CFAP47: variants seen among roughly 807,000 people sequenced by gnomAD.
The protein encoded by CFAP47 is cilia and flagella associated protein 47.
CFAP47 carries 29 observed loss-of-function variants against 148.1 expected under a neutral mutation model. The observed-to-expected ratio is 0.20, with a 90% CI of 0.15 to 0.27. CFAP47 has a LOEUF of 0.27. Among genes scored for constraint, CFAP47 ranks in the 10% least tolerant of loss-of-function variants. The pLI, the probability that CFAP47 is intolerant of heterozygous loss-of-function variation, is 1.00. For missense variants in CFAP47, 1,872 were observed against 1,697.5 expected (o/e 1.10, Z -1.81); for synonymous variants, 664 against 577.3 (o/e 1.15, Z -2.15).
chrX:36,065,713 C>A lies in CFAP47; in HGVS notation c.4288C>A (p.Leu1430Met). The part of the protein sequence containing the change: ...LTIYPYMAIH[L>M]DKQNIILKND... ...TATTTACCCATATATGGCAATTCAT[C>A]TGGATAAGCAAAACATTATTTTAAA... The change falls in exon 27 of 64, where the codon CTG (leucine) becomes ATG (methionine). Residue 1430 changes from leucine to methionine, a missense_variant. Physicochemically the swap from Leu to Met is conservative, Grantham distance 15. Transcript: ENST00000378653. 1 of 1,178,181 alleles carries A rather than the reference C, an allele frequency of 8.5e-7. No individual in the cohort carries two copies. Among genetic ancestry groups the A allele is most frequent in the East Asian group, 3.0e-5 (1 of 33,551 alleles).
At chrX:36,174,156 G>C (rs752599806) in intron 39 of CFAP47, among the ~76,000 whole-genome samples, 82 of 107,734 alleles carry the variant, frequency 7.6e-4, no homozygotes, top group African/African-American at 2.6e-3. Flanking sequence ...TGGCTTGGTA[G>C]ATCTTCCTCC....
chrX:36,208,820 G>A (rs1179595622), intron 45 of CFAP47, among the ~76,000 whole-genome samples: 3 of 110,229 alleles, frequency 2.7e-5, no homozygotes, highest in African/African-American at 9.9e-5. Flanking sequence ...ACAAAAATTA[G>A]CCTGGCATGG....
Position 36,182,886 on chromosome X carries a change from A to C in CFAP47, c.6104+3464A>C, listed in dbSNP as rs770183557. Among the ~76,000 whole-genome samples the C allele has an allele frequency of 7.1e-5, 8 of 112,937 alleles. No homozygotes were observed. In the East Asian group the frequency reaches 2.2e-3, roughly 31 times the overall value. Reference sequence around the variant, plus strand: ...CAATGTGGAATTTATGTGTCAACATATAGCCTATTTGGCCAATGGTATGTG... The same window carrying C: ...CAATGTGGAATTTATGTGTCAACATCTAGCCTATTTGGCCAATGGTATGTG... On this transcript the variant is annotated intron_variant, in intron 40 of 63. Transcript: ENST00000378653.
At chrX:36,282,347 G>T (rs782460329) in intron 50 of CFAP47, among the ~76,000 whole-genome samples, 1 of 111,094 alleles carries the variant, frequency 9.0e-6, no homozygotes, top group Non-Finnish European at 1.9e-5. Context: ...AAACCTTCAT[G>T]AGGGTTAAAG....
chrX:36,042,415 G>A (rs1937416687), intron 25 of CFAP47, among the ~76,000 whole-genome samples: 1 of 111,086 alleles, frequency 9.0e-6, no homozygotes, highest in African/African-American at 3.3e-5. Flanking sequence ...TCTACAAGGA[G>A]ATTTTTTAAA....
intron 51 of CFAP47, among the ~76,000 whole-genome samples, chrX:36,290,898 GTTA>G (rs1556005468): frequency 8.9e-6 from 1 of 112,233 alleles, no homozygotes; most frequent in Non-Finnish European, 1.9e-5. Context: ...TTCTTTATTG[GTTA>G]TTAACACTGG....
chrX:36,227,891 G>A (rs1032461454), intron 45 of CFAP47, among the ~76,000 whole-genome samples: 8 of 111,819 alleles, frequency 7.2e-5, no homozygotes, highest in African/African-American at 2.6e-4. Context: ...CCAAGGAAAT[G>A]GTGACCTTCA....
At chrX:36,092,152 C>T (rs949911617) in intron 30 of CFAP47, among the ~76,000 whole-genome samples, 1 of 111,179 alleles carries the variant, frequency 9.0e-6, no homozygotes, top group East Asian at 2.8e-4. Flanking sequence ...TAAATATGTA[C>T]ATACATAGGC....
intron 57 of CFAP47, among the ~76,000 whole-genome samples, chrX:36,328,457 G>T (rs1941535305): frequency 8.9e-6 from 1 of 112,061 alleles, no homozygotes; most frequent in Non-Finnish European, 1.9e-5. Context: ...TGAAAAGCTT[G>T]TTATAAAATA....
chrX:36,190,898 T>G (rs916849108), intron 42 of CFAP47, among the ~76,000 whole-genome samples: 3 of 111,439 alleles, frequency 2.7e-5, no homozygotes, highest in Non-Finnish European at 5.7e-5. Flanking sequence ...AGGAAGAAAT[T>G]TATAACCCCC....
chrX:36,197,078 G>T (rs988006532), intron 42 of CFAP47, among the ~76,000 whole-genome samples: 5 of 111,429 alleles, frequency 4.5e-5, no homozygotes, highest in African/African-American at 1.3e-4. Context: ...CATTATTTTC[G>T]ATTATATTAA....
rs186825308 is a variant in CFAP47, at chrX:35,930,359, G to A, written c.401+4191G>A. ...TGCTCATGTTTTATTAGGGATTATT[G>A]TGTCCCAGTTTATTAGTGATATTGG... On this transcript the variant is annotated intron_variant, in intron 2 of 63. Transcript: ENST00000378653. Among the ~76,000 whole-genome samples, 8 of 110,600 alleles carry A rather than the reference G, an allele frequency of 7.2e-5. No homozygotes were observed. In the East Asian group the frequency reaches 1.7e-3, roughly 24 times the overall value.
At position 36,018,455 on chromosome X, in the gene CFAP47, T is replaced by C. The variant is rs139313849; in HGVS notation, c.3556+3543T>C. 3.3e-4 allele frequency among the ~76,000 whole-genome samples: 37 copies of C among 112,275 alleles called. 1 individual carries two copies. In the East Asian group the frequency reaches 6.2e-3, roughly 19 times the overall value. ...TGTTTCATATCTTAGAGGAAGGCTT[T>C]CAGTTTGATACTATCTGTGGGTCTG... On this transcript the variant is annotated intron_variant, in intron 22 of 63. Coordinates refer to ENST00000378653, the MANE Select transcript of CFAP47 (RefSeq NM_001304548.2).
At chrX:35,967,097 C>T (rs1218655164) in intron 9 of CFAP47, among the ~76,000 whole-genome samples, 4 of 111,124 alleles carry the variant, frequency 3.6e-5, no homozygotes, top group Non-Finnish European at 7.5e-5. Context: ...CCAGTAGATG[C>T]TGACACTGCC....
intron 24 of CFAP47, among the ~76,000 whole-genome samples, chrX:36,037,484 T>A (rs1937352802): frequency 9.0e-6 from 1 of 110,526 alleles, no homozygotes; most frequent in South Asian, 3.8e-4. Flanking sequence ...TGCCTCAGGC[T>A]CCCGAGTAGC....
intron 44 of CFAP47, among the ~76,000 whole-genome samples, chrX:36,201,972 G>A (rs1939985791): frequency 9.0e-6 from 1 of 111,400 alleles, no homozygotes; most frequent in African/African-American, 3.3e-5. Context: ...CTGTGTGACT[G>A]TAGGCTGGTT....
At chrX:35,998,809 G>T (rs1430924485) in intron 19 of CFAP47, among the ~76,000 whole-genome samples, 1 of 111,301 alleles carries the variant, frequency 9.0e-6, no homozygotes, top group Non-Finnish European at 1.9e-5. Flanking sequence ...CATTACTATG[G>T]CATCCTTCCT....
Position 35,991,879 on chromosome X carries a change from A to G in CFAP47, c.2903A>G (p.Gln968Arg), listed in dbSNP as rs1936793870. 3.4e-6 allele frequency: 1 copy of G among 296,681 alleles called. No individual in the cohort carries two copies. Among genetic ancestry groups the G allele is most frequent in the Non-Finnish European group, 5.9e-6 (1 of 169,516 alleles). 24.4% of individuals were successfully genotyped at this position (296,681 alleles called of 1,213,427 possible). ...QPRILFSNCPQGLTTWRKAIL... is the reference protein window; with the variant it reads ...QPRILFSNCPRGLTTWRKAIL... Reference sequence around the variant, plus strand: ...AGGATACTCTTTAGTAATTGCCCTCAAGGTTTAACAACTTGGAGGAAAGCC... The same window carrying G: ...AGGATACTCTTTAGTAATTGCCCTCGAGGTTTAACAACTTGGAGGAAAGCC... The change falls in exon 17 of 64, where the codon CAA (glutamine) becomes CGA (arginine). Residue 968 changes from glutamine to arginine, a missense_variant. Gln to Arg is a conservative substitution (Grantham distance 43). Coordinates refer to ENST00000378653, the MANE Select transcript of CFAP47 (RefSeq NM_001304548.2).
At chrX:36,056,536 A>G (rs1490970631) in intron 26 of CFAP47, among the ~76,000 whole-genome samples, 1 of 112,196 alleles carries the variant, frequency 8.9e-6, no homozygotes, top group Non-Finnish European at 1.9e-5. Context: ...CAAAAGCACC[A>G]AGTGTGTGGG....
Sources: gnomAD v4.1 joint callset for allele counts (sites outside exome capture counted in the v4.1 genomes callset) on GRCh38, gnomAD v4.1.1 for gene constraint, MANE v1.5 for transcripts, NCBI Gene and HGNC (gene_info 2026-07-23, HGNC 2026-07-21) for gene names.